IQCH: variants seen among roughly 807,000 people sequenced by gnomAD.
IQCH encodes the protein IQ domain-containing protein H.
Under a neutral mutation model 117.0 loss-of-function variants are expected in IQCH, and 98 were observed. The ratio of observed to expected loss-of-function variants is 0.84; its 90% CI spans 0.71 to 0.99. IQCH has a LOEUF of 0.99. Among genes scored for constraint, IQCH ranks in the 50% least tolerant of loss-of-function variants. The pLI is 0.00. For synonymous variants in IQCH, 412 were observed against 448.2 expected (o/e 0.92, Z 1.02); for missense variants, 1,102 against 1,243.8 (o/e 0.89, Z 1.72).
intron 16 of IQCH, among the ~76,000 whole-genome samples, chr15:67,455,113 T>A (rs1046015715): frequency 1.3e-5 from 2 of 152,200 alleles, no homozygotes; most frequent in African/African-American, 2.4e-5. Flanking sequence ...TGAAGGAGCA[T>A]CTCTTATCTG....
intron 4 of IQCH, chr15:67,306,790 A>G: frequency 6.9e-7 from 1 of 1,457,056 alleles, no homozygotes; most frequent in Non-Finnish European, 9.3e-7. Context: ...TCAATCTGCC[A>G]AATAGTAACA....
At chr15:67,302,321 A>C (rs996054989) in intron 4 of IQCH, among the ~76,000 whole-genome samples, 11 of 152,162 alleles carry the variant, frequency 7.2e-5, no homozygotes, top group African/African-American at 1.4e-4. Flanking sequence ...TTTAAGAAGG[A>C]AAAAATTATG....
chr15:67,463,000 G>T (rs114796785), intron 16 of IQCH, among the ~76,000 whole-genome samples: 1 of 152,176 alleles, frequency 6.6e-6, no homozygotes, highest in Non-Finnish European at 1.5e-5. Flanking sequence ...ATTACTGTGC[G>T]AATATGACTC....
Position 67,400,161 on chromosome 15 carries a change from G to A in IQCH, c.1953G>A (p.Gln651=). Residue 651 remains glutamine, a synonymous_variant, in exon 14 of 21, where the codon CAG becomes CAA. Coordinates refer to ENST00000335894, the MANE Select transcript of IQCH (RefSeq NM_001031715.3). ...SQLITDHLQI[Q]RWLFKMDSEF... is the part of the protein sequence containing the mutation. Reference sequence around the variant, plus strand: ...TGATAACTGATCACCTGCAAATACAGCGTTGGCTCTTTAAAATGGACTCTG... The same window carrying A: ...TGATAACTGATCACCTGCAAATACAACGTTGGCTCTTTAAAATGGACTCTG... The A allele has an allele frequency of 1.2e-6, 2 of 1,613,934 alleles. No individual in the cohort carries two copies. Among genetic ancestry groups the A allele is most frequent in the South Asian group, 1.1e-5 (1 of 91,074 alleles).
At chr15:67,261,955 G>A (rs1434306140) in intron 2 of IQCH, among the ~76,000 whole-genome samples, 1 of 152,064 alleles carries the variant, frequency 6.6e-6, no homozygotes, top group African/African-American at 2.4e-5. Context: ...CAGGCATGGT[G>A]GCACACGCCT....
Position 67,427,511 on chromosome 15 carries a change from T to A in IQCH, c.2505+5934T>A, listed in dbSNP as rs1407475722. On this transcript the variant is annotated intron_variant, in intron 16 of 20. Coordinates refer to ENST00000335894, the MANE Select transcript of IQCH (RefSeq NM_001031715.3). This position sits in a 1 kb window ranked among gnomAD's most constrained non-coding sequence, Gnocchi z 4.7. ...GATTACAGGTGTGAACCACTGTGCC[T>A]GGCCTCCAGCTCTTCTTCTAAATTG... Among the ~76,000 whole-genome samples, 3 of 152,104 alleles carry A rather than the reference T, an allele frequency of 2.0e-5. No homozygotes were observed. Among genetic ancestry groups the A allele is most frequent in the Non-Finnish European group, 4.4e-5 (3 of 68,010 alleles).
chr15:67,402,134 A>G (rs906287128), intron 14 of IQCH, among the ~76,000 whole-genome samples: 1 of 152,170 alleles, frequency 6.6e-6, no homozygotes, highest in Non-Finnish European at 1.5e-5. Flanking sequence ...GTTATTTTAA[A>G]CCGTAGCATT....
intron 9 of IQCH, 99 bp from the exon 10 acceptor site, chr15:67,373,268 A>T: frequency 4.3e-6 from 3 of 696,568 alleles, no homozygotes; most frequent in Non-Finnish European, 7.5e-6. Flanking sequence ...AATATAATTT[A>T]TGCCTGGCTT....
At chr15:67,338,205 GTCTATCTA>G (rs10528833) in intron 5 of IQCH, among the ~76,000 whole-genome samples, 45 of 105,632 alleles carry the variant, frequency 4.3e-4, no homozygotes, top group African/African-American at 6.8e-4. Context: ...ATATCTGTCT[GTCTATCTA>G]TCTATCTATC....
chr15:67,497,945 A>G (rs1224692227), intron 20 of IQCH, among the ~76,000 whole-genome samples: 1 of 152,344 alleles, frequency 6.6e-6, no homozygotes, highest in East Asian at 1.9e-4. Flanking sequence ...AAATTGATCT[A>G]TAGATTCAAT....
intron 16 of IQCH, among the ~76,000 whole-genome samples, chr15:67,449,148 C>A (rs1394084867): frequency 6.6e-6 from 1 of 151,634 alleles, no homozygotes; most frequent in African/African-American, 2.4e-5. Flanking sequence ...GAGTAGGTTG[C>A]AAAAATTTTC....
In IQCH at chr15:67,372,202, C is replaced by G. The variant is rs2140788887; in HGVS notation, c.845C>G (p.Pro282Arg). Residue 282 changes from proline (P) to arginine (R), a missense_variant, in exon 9 of 21, where the codon CCA (proline) becomes CGA (arginine). This residue lies in a region of IQCH where 452 missense variants were observed against 449.6 expected (regional missense o/e 1.01). Transcript: ENST00000335894. The part of the protein sequence containing the change: ...IYDGVIDNTA[P>R]DFLAFKEHFS... ...GATGGTGTCATAGACAATACAGCCCCAGACTTCTTAGCATTCAAGGAACAT... is the reference window on the plus strand; with the variant it reads ...GATGGTGTCATAGACAATACAGCCCGAGACTTCTTAGCATTCAAGGAACAT... The G allele has an allele frequency of 6.2e-7, 1 of 1,614,076 alleles. No homozygotes were observed.
At chr15:67,307,848 AAG>A (rs2140551463) in intron 4 of IQCH, among the ~76,000 whole-genome samples, 1 of 152,264 alleles carries the variant, frequency 6.6e-6, no homozygotes. Context: ...TCAGATGACA[AAG>A]AGGGAACATT....
At chr15:67,306,702 C>G (rs1967314628) in intron 4 of IQCH, 1 of 726,330 alleles carries the variant, frequency 1.4e-6, no homozygotes, top group Non-Finnish European at 2.4e-6. Flanking sequence ...AATTTTATAT[C>G]CTGTGACTCT....
chr15:67,265,296 T>C (rs1965624750), intron 3 of IQCH, among the ~76,000 whole-genome samples: 1 of 152,226 alleles, frequency 6.6e-6, no homozygotes, highest in African/African-American at 2.4e-5. Flanking sequence ...GTGCCTTTGC[T>C]CCTTACTAAG....
chr15:67,354,780 A>G (rs150839792), intron 6 of IQCH, among the ~76,000 whole-genome samples: 5 of 152,340 alleles, frequency 3.3e-5, no homozygotes, highest in African/African-American at 1.2e-4. Context: ...GGATGGTGGC[A>G]TTGATCAGCA....
At position 67,365,672 on chromosome 15, in the gene IQCH, G is replaced by T. The variant is rs1970307376; in HGVS notation, c.753+5787G>T. Among the ~76,000 whole-genome samples the T allele has an allele frequency of 6.6e-6, 1 of 152,336 alleles. No individual in the cohort carries two copies. Among genetic ancestry groups the T allele is most frequent in the Middle Eastern group, 3.4e-3 (1 of 294 alleles). On this transcript the variant is annotated intron_variant, in intron 8 of 20. Transcript: ENST00000335894. This position sits in a 1 kb window ranked among gnomAD's most constrained non-coding sequence, Gnocchi z 4.4. The stretch of plus-strand genomic sequence containing the variant: ...AAGCCACGCACGGTGGCTCACGCCT[G>T]TAATCCCAGCACTTTGGGAGGTCAT...
chr15:67,412,404 CT>C (rs559238690), intron 14 of IQCH, among the ~76,000 whole-genome samples: 16 of 151,134 alleles, frequency 1.1e-4, no homozygotes, highest in African/African-American at 3.2e-4. Flanking sequence ...TTGTTGTTGT[CT>C]TTTTTTTTGT....
intron 13 of IQCH, among the ~76,000 whole-genome samples, chr15:67,396,290 T>G (rs1971466343): frequency 6.6e-6 from 1 of 151,966 alleles, no homozygotes; most frequent in Admixed American, 6.6e-5. Context: ...GGCTGCAGAC[T>G]TCCTTCGCTC....
Sources: gnomAD v4.1 joint callset for allele counts (sites outside exome capture counted in the v4.1 genomes callset) on GRCh38, gnomAD v4.1.1 for gene constraint, gnomAD v4.1.1 regional missense constraint, Gnocchi (gnomAD v3.1) non-coding constraint, MANE v1.5 for transcripts, NCBI Gene and HGNC (gene_info 2026-07-23, HGNC 2026-07-21) for gene names.